CLCA2: variants seen among roughly 807,000 people sequenced by gnomAD.
CLCA2 encodes the protein calcium-activated chloride channel regulator 2.
Under a neutral mutation model 82.9 loss-of-function variants are expected in CLCA2, and 85 were observed. The observed-to-expected ratio is 1.03, with a 90% CI of 0.86 to 1.23. The LOEUF is 1.23. Ranked by LOEUF, CLCA2 falls within the 50% of genes most tolerant of loss-of-function variation. The pLI, the probability that CLCA2 is intolerant of heterozygous loss-of-function variation, is 0.00. For synonymous variants in CLCA2, 421 were observed against 391.7 expected, an observed-to-expected ratio of 1.07 and a Z score of -0.88; for missense variants, 1,089 against 1,124.8, an observed-to-expected ratio of 0.97 and a Z score of 0.45.
At chr1:86,426,558 G>A (rs986534165) in intron 2 of CLCA2, among the ~76,000 whole-genome samples, 1 of 152,130 alleles carries the variant, frequency 6.6e-6, no homozygotes, top group African/African-American at 2.4e-5. Context: ...GGGGGAACTG[G>A]GGTAAGCTGG....
intron 1 of CLCA2, among the ~76,000 whole-genome samples, chr1:86,424,916 A>C (rs1662359713): frequency 6.6e-6 from 1 of 152,188 alleles, no homozygotes; most frequent in African/African-American, 2.4e-5. Flanking sequence ...ATGTGCTGTA[A>C]CATAATTGAC....
At chr1:86,428,343 C>A in intron 2 of CLCA2, 75 bp from the exon 3 acceptor site, 1 of 1,401,072 alleles carries the variant, frequency 7.1e-7, no homozygotes, top group Non-Finnish European at 9.7e-7. Context: ...GTTCAAAGTG[C>A]TTTAATGAAT....
At chr1:86,447,281 A>G (rs1008260697) in intron 10 of CLCA2, among the ~76,000 whole-genome samples, 6 of 152,190 alleles carry the variant, frequency 3.9e-5, no homozygotes, top group African/African-American at 1.4e-4. Flanking sequence ...GTAATTCCCT[A>G]AAGAATTATC....
At chr1:86,441,763 C>T (rs1384993764) in intron 9 of CLCA2, among the ~76,000 whole-genome samples, 3 of 152,202 alleles carry the variant, frequency 2.0e-5, no homozygotes, top group Admixed American at 6.5e-5. Context: ...TCAAAGTCTG[C>T]GAGTGGAGCT....
At chr1:86,430,750 T>A in intron 3 of CLCA2, 112 bp from the exon 4 acceptor site, 2 of 796,252 alleles carry the variant, frequency 2.5e-6, no homozygotes. Flanking sequence ...ACTTAAACTC[T>A]TTGGTCATTC....
intron 12 of CLCA2, among the ~76,000 whole-genome samples, chr1:86,452,176 C>CTTTTTTTTTTTT (rs753484167): frequency 7.1e-4 from 31 of 43,946 alleles, no homozygotes; most frequent in East Asian, 1.6e-3. Flanking sequence ...AACCTGGAAG[C>CTTTTTTTTTTTT]TTTTTTTTTT....
chr1:86,434,577 G>C lies in CLCA2; in HGVS notation c.804G>C (p.Gln268His). The C allele has an allele frequency of 1.9e-6, 3 of 1,614,110 alleles. No individual in the cohort carries two copies. Among genetic ancestry groups the C allele is most frequent in the Non-Finnish European group, 2.5e-6 (3 of 1,179,992 alleles). ...HNQEAPNLQN[Q>H]MCSLRSAWDV... ...AAGAAGCACCAAACCTACAGAACCA[G>C]ATGTGCAGCCTCAGAAGTGCATGGG... is the stretch of plus-strand genomic sequence containing the variant. Residue 268 changes from glutamine to histidine, a missense_variant, in exon 6 of 14, where the codon CAG (glutamine) becomes CAC (histidine). Gln to His is a conservative substitution (Grantham distance 24). Coordinates refer to ENST00000370565, the MANE Select transcript of CLCA2 (RefSeq NM_006536.7).
Position 86,428,512 on chromosome 1 carries a change from A to G in CLCA2, c.419A>G (p.His140Arg). 1 of 1,613,778 alleles carries G rather than the reference A, an allele frequency of 6.2e-7. No individual in the cohort carries two copies. The highest frequency in any genetic ancestry group is 8.5e-7 in the Non-Finnish European group (1 of 1,179,758). Residue 140 changes from histidine to arginine, a missense_variant, in exon 3 of 14, where the codon CAT (histidine) becomes CGT (arginine). Coordinates refer to ENST00000370565, the MANE Select transcript of CLCA2 (RefSeq NM_006536.7). Reference sequence around the variant, plus strand: ...TGTGGAAAAGAGGGAAAATACATTCATTTCACACCTAATTTCCTACTGAAT... The same window carrying G: ...TGTGGAAAAGAGGGAAAATACATTCGTTTCACACCTAATTTCCTACTGAAT... ...RGCGKEGKYI[H>R]FTPNFLLNDN...
At position 86,424,331 on chromosome 1, in the gene CLCA2, C is replaced by G; in HGVS notation, c.84C>G (p.Phe28Leu). 6.2e-7 allele frequency: 1 copy of G among 1,613,868 alleles called. No homozygotes were observed. The highest frequency in any genetic ancestry group is 2.2e-5 in the East Asian group (1 of 44,882). ...LLVALSSELP[F>L]LGAGVQLQDN... is the part of the protein sequence containing the mutation. Reference sequence around the variant, plus strand: ...TTGCCTTAAGTTCAGAACTCCCATTCCTGGGAGCTGGAGTACAGCTTCAAG... The same window carrying G: ...TTGCCTTAAGTTCAGAACTCCCATTGCTGGGAGCTGGAGTACAGCTTCAAG... The change falls in exon 1 of 14, where the codon TTC becomes TTG. Residue 28 changes from phenylalanine to leucine, a missense_variant. Transcript: ENST00000370565.
intron 11 of CLCA2, among the ~76,000 whole-genome samples, chr1:86,449,866 G>A (rs1662928765): frequency 6.6e-6 from 1 of 152,114 alleles, no homozygotes; most frequent in African/African-American, 2.4e-5. Flanking sequence ...CATGATTTTG[G>A]CTTGGAATTG....
intron 12 of CLCA2, among the ~76,000 whole-genome samples, chr1:86,451,062 AGAG>A (rs1662953174): frequency 6.6e-6 from 1 of 152,134 alleles, no homozygotes; most frequent in Non-Finnish European, 1.5e-5. Context: ...TTTCCTCTAT[AGAG>A]GTTTAGGCAA....
chr1:86,433,398 G>A (rs1396723482), intron 5 of CLCA2, among the ~76,000 whole-genome samples: 1 of 152,140 alleles, frequency 6.6e-6, no homozygotes, highest in Admixed American at 6.5e-5. Flanking sequence ...GGATTGACAT[G>A]CTATTTTATT....
chr1:86,446,026 A>T (rs987977121), intron 10 of CLCA2, among the ~76,000 whole-genome samples: 1 of 152,030 alleles, frequency 6.6e-6, no homozygotes, highest in African/African-American at 2.4e-5. Context: ...TAGGGAAAAA[A>T]AATCAGCAGA....
In CLCA2 at chr1:86,455,284, T is replaced by C. The variant is rs1435977529; in HGVS notation, c.2589T>C (p.Tyr863=). 1.9e-6 allele frequency: 3 copies of C among 1,614,046 alleles called. No individual in the cohort carries two copies. The highest frequency in any genetic ancestry group is 2.2e-5 in the East Asian group (1 of 44,880). Residue 863 remains tyrosine, a synonymous_variant, in exon 14 of 14, where the codon TAT becomes TAC. Transcript: ENST00000370565. ...AAACACATGAAAGCCACAGAATTTA[T>C]GTTGCAATACGAGCAATGGATAGGA... ...NGETHESHRI[Y]VAIRAMDRNS...
At position 86,456,022 on chromosome 1, in the gene CLCA2, G is replaced by A. The variant is rs1271875559; in HGVS notation, c.*495G>A. On this transcript the variant is annotated 3_prime_UTR_variant, in exon 14 of 14. Transcript: ENST00000370565. The stretch of plus-strand genomic sequence containing the variant: ...AAAGCTCTTTACCTCTTGCTATTTT[G>A]TTATATATATTACAGATGAAATCTC... 5 of 152,106 alleles carry A rather than the reference G, an allele frequency of 3.3e-5. No individual in the cohort carries two copies. The highest frequency in any genetic ancestry group is 9.7e-5 in the African/African-American group (4 of 41,420). 9.4% of individuals were successfully genotyped at this position (152,106 alleles called of 1,614,324 possible). A position where few individuals can be genotyped will look rare whatever the true frequency, so the allele number is the denominator to read the frequency against.
chr1:86,431,935 T>G (rs1662506243), intron 4 of CLCA2, among the ~76,000 whole-genome samples: 1 of 152,122 alleles, frequency 6.6e-6, no homozygotes, highest in African/African-American at 2.4e-5. Flanking sequence ...TGTTTGTTTG[T>G]TTTTTTGTTT....
intron 6 of CLCA2, among the ~76,000 whole-genome samples, chr1:86,436,682 G>T (rs536457047): frequency 2.0e-5 from 3 of 152,050 alleles, no homozygotes; most frequent in African/African-American, 7.2e-5. Context: ...TTGCATACCT[G>T]CAGTTGACTA....
chr1:86,437,605 G>C (rs1237504025), intron 6 of CLCA2, among the ~76,000 whole-genome samples: 2 of 152,156 alleles, frequency 1.3e-5, no homozygotes, highest in Non-Finnish European at 2.9e-5. Context: ...TCAAGGGAAG[G>C]GCATTCATTT....
chr1:86,445,443 C>G lies in CLCA2; in HGVS notation c.1713+1432C>G, dbSNP rs954446186. 3 of 135,356 alleles carry G rather than the reference C, an allele frequency of 2.2e-5. No homozygotes were observed. The East Asian group carries it at 7.3e-4, about 33-fold the overall frequency. The allele number at this position is 135,356 out of a possible 1,614,324, so 8.4% of individuals were successfully genotyped here. On this transcript the variant is annotated intron_variant, in intron 10 of 13. Transcript: ENST00000370565. ...TGAATCTCTCAGTTGTAGATTTTGA[C>G]ACATTGGCACTATTTTTGTTTCTGA...
Sources: allele counts gnomAD v4.1 joint callset (sites outside exome capture counted in the v4.1 genomes callset), GRCh38; gene constraint gnomAD v4.1.1; transcripts MANE v1.5; gene names NCBI Gene and HGNC (gene_info 2026-07-23, HGNC 2026-07-21).